Variants in PVT1 observed in about 807,000 individuals in gnomAD.
PVT1 encodes Pvt1 oncogene.
intron 2 of PVT1, among the ~76,000 whole-genome samples, chr8:127,813,776 G>A (rs1055043225): frequency 1.3e-5 from 2 of 152,130 alleles, no homozygotes; most frequent in African/African-American, 2.4e-5. Context: ...CAAACCAAAC[G>A]TGAACAGGAG....
chr8:127,857,487 G>C (rs1313522244), intron 2 of PVT1, among the ~76,000 whole-genome samples: 1 of 152,094 alleles, frequency 6.6e-6, no homozygotes, highest in Non-Finnish European at 1.5e-5. Flanking sequence ...AGCCTGGACA[G>C]CATAGTGAGG....
chr8:128,080,335 A>G (rs1814160341), intron 5 of PVT1, among the ~76,000 whole-genome samples: 1 of 152,204 alleles, frequency 6.6e-6, no homozygotes, highest in African/African-American at 2.4e-5. Flanking sequence ...AAGTGGCTAT[A>G]TCATTTTGCA....
At chr8:127,952,883 G>T (rs1382395657) in intron 3 of PVT1, among the ~76,000 whole-genome samples, 2 of 152,000 alleles carry the variant, frequency 1.3e-5, no homozygotes, top group Non-Finnish European at 2.9e-5. Flanking sequence ...TCCTGCCTCA[G>T]CCTCCCAAGT....
intron 4 of PVT1, among the ~76,000 whole-genome samples, chr8:128,026,973 C>G (rs993269209): frequency 6.6e-6 from 1 of 152,332 alleles, no homozygotes; most frequent in Admixed American, 6.5e-5. Flanking sequence ...CCCAGCCCCT[C>G]TCTTTGCCTT....
chr8:128,088,407 A>G (rs1814285667), intron 5 of PVT1, among the ~76,000 whole-genome samples: 1 of 151,780 alleles, frequency 6.6e-6, no homozygotes, highest in East Asian at 1.9e-4. Context: ...GCAGCAGCAG[A>G]GGGGTTGGTC....
chr8:127,920,657 T>C (rs987881989), intron 3 of PVT1, among the ~76,000 whole-genome samples: 2 of 152,240 alleles, frequency 1.3e-5, no homozygotes, highest in Non-Finnish European at 2.9e-5. Context: ...GTTGTTGTGT[T>C]GGTAATTAAG....
chr8:127,876,594 A>T (rs1424856697), intron 2 of PVT1, among the ~76,000 whole-genome samples: 1 of 151,608 alleles, frequency 6.6e-6, no homozygotes, highest in Non-Finnish European at 1.5e-5. Flanking sequence ...GGATGATATT[A>T]GCATTACCCG....
Position 127,864,908 on chromosome 8 carries a change from C to A in PVT1, n.373-25681C>A, listed in dbSNP as rs75770772. 3.7e-3 allele frequency among the ~76,000 whole-genome samples: 560 copies of A among 152,274 alleles called. 7 individuals carry two copies. The highest frequency in any genetic ancestry group is 0.013 in the African/African-American group (535 of 41,568). On this transcript the variant is annotated intron_variant and non_coding_transcript_variant, in intron 2 of 10. Transcript: ENST00000651587. The stretch of plus-strand genomic sequence containing the variant: ...GCCGCGGGAACTAGAGATAGAGGTC[C>A]TCTTGCCTACCAAAGCACCAGATGG...
intron 3 of PVT1, among the ~76,000 whole-genome samples, chr8:127,913,632 CT>C (rs1815937601): frequency 6.6e-6 from 1 of 152,132 alleles, no homozygotes; most frequent in Non-Finnish European, 1.5e-5. Context: ...TATGGAAGCA[CT>C]TCCCTGTGCT....
rs533870000 is a variant in PVT1 at position 128,071,831 on chromosome 8, C to T, written n.1114+1470C>T. ...GATCTCATAGATATCTCTTGGCAGC[C>T]CTCTGAGAGCATTGATATATTATTG... On this transcript the variant is annotated intron_variant and non_coding_transcript_variant, in intron 5 of 10. Transcript: ENST00000651587. Among the ~76,000 whole-genome samples, 3 of 152,174 alleles carry T rather than the reference C, an allele frequency of 2.0e-5. No individual in the cohort carries two copies. The South Asian group carries it at 6.3e-4, about 32-fold the overall frequency.
chr8:127,833,645 G>A (rs1171580706), intron 2 of PVT1, among the ~76,000 whole-genome samples: 3 of 152,100 alleles, frequency 2.0e-5, no homozygotes, highest in Non-Finnish European at 4.4e-5. Flanking sequence ...GTAGAGACAA[G>A]GTTTCACCAT....
chr8:128,082,452 A>C (rs1273940661), intron 5 of PVT1, among the ~76,000 whole-genome samples: 2 of 152,222 alleles, frequency 1.3e-5, no homozygotes, highest in Non-Finnish European at 2.9e-5. Context: ...TTCTAGCTGC[A>C]ATGTTCCCAT....
intron 4 of PVT1, among the ~76,000 whole-genome samples, chr8:128,064,213 TC>T (rs1460167546): frequency 6.6e-6 from 1 of 152,144 alleles, no homozygotes; most frequent in Non-Finnish European, 1.5e-5. Flanking sequence ...CTCCTGTAAA[TC>T]ACCAGAGGGG....
intron 2 of PVT1, among the ~76,000 whole-genome samples, chr8:127,867,872 C>T (rs971910488): frequency 6.6e-6 from 1 of 152,134 alleles, no homozygotes; most frequent in Non-Finnish European, 1.5e-5. Context: ...TTGCTGCCTC[C>T]TGCTGAATCT....
intron 2 of PVT1, among the ~76,000 whole-genome samples, chr8:127,825,657 G>T (rs1019487134): frequency 6.6e-5 from 10 of 152,100 alleles, no homozygotes; most frequent in Admixed American, 6.5e-4. Context: ...AAAAGCATGG[G>T]ATGCGAATGC....
intron 4 of PVT1, among the ~76,000 whole-genome samples, chr8:128,037,790 C>A (rs1813483074): frequency 6.6e-6 from 1 of 152,200 alleles, no homozygotes; most frequent in African/African-American, 2.4e-5. Context: ...TAGAGCCCAG[C>A]AGCACATTTA....
chr8:128,037,774 G>T (rs1026264489), intron 4 of PVT1, among the ~76,000 whole-genome samples: 2 of 152,156 alleles, frequency 1.3e-5, no homozygotes, highest in African/African-American at 4.8e-5. Flanking sequence ...GCTCGCGTTG[G>T]TGGCTTAGAG....
intron 2 of PVT1, among the ~76,000 whole-genome samples, chr8:127,825,902 G>A (rs753354725): frequency 6.6e-6 from 1 of 151,606 alleles, no homozygotes; most frequent in Non-Finnish European, 1.5e-5. Context: ...CCAAGCTGGA[G>A]TGCAGTCGCA....
intron 4 of PVT1, among the ~76,000 whole-genome samples, chr8:128,032,255 G>A (rs924997694): frequency 6.6e-6 from 1 of 152,196 alleles, no homozygotes; most frequent in Non-Finnish European, 1.5e-5. Context: ...TGTGCCTACA[G>A]CTCTGGATCC....
Sources: allele counts gnomAD v4.1 joint callset (sites outside exome capture counted in the v4.1 genomes callset), GRCh38; gene constraint gnomAD v4.1.1; transcripts MANE v1.5; gene names NCBI Gene and HGNC (gene_info 2026-07-23, HGNC 2026-07-21).